Variants in WDFY4 observed in about 807,000 individuals in gnomAD.
WDFY4 encodes the protein WDFY family member 4, also known as WD repeat- and FYVE domain-containing protein 4.
A neutral mutation model predicts 351.9 loss-of-function variants in WDFY4; 169 were observed. The ratio of observed to expected loss-of-function variants is 0.48; its 90% CI spans 0.42 to 0.55. The LOEUF (loss-of-function observed/expected upper bound fraction) is 0.55, where lower values mean the gene tolerates loss of function less well. Ranked by LOEUF, WDFY4 falls within the 20% of genes least tolerant of loss-of-function variation. The pLI is 0.00. For missense variants in WDFY4, 3,803 were observed against 3,935.6 expected, an observed-to-expected ratio of 0.97 and a Z score of 0.90; for synonymous variants, 1,622 against 1,574.6, an observed-to-expected ratio of 1.03 and a Z score of -0.71.
rs1433161043 is a variant in WDFY4 at position 48,743,296 on chromosome 10, A to C, written c.2207A>C (p.Asp736Ala). ...GGCAACCTGCTGCGCTCTTGGGTGGACACAAAGGCCAGGCCATTTGCAGAT... is the reference window on the plus strand; with the variant it reads ...GGCAACCTGCTGCGCTCTTGGGTGGCCACAAAGGCCAGGCCATTTGCAGAT... ...EEGNLLRSWVDTKARPFADLL... is the reference protein window; with the variant it reads ...EEGNLLRSWVATKARPFADLL... The change falls in exon 12 of 62, where the codon GAC (aspartate) becomes GCC (alanine). Residue 736 changes from aspartate (D) to alanine (A), a missense_variant. Physicochemically the swap from Asp to Ala is moderately radical, Grantham distance 126. This residue lies in a region of WDFY4 where 3,054 missense variants were observed against 3,148.6 expected (regional missense o/e 0.97). Coordinates refer to ENST00000325239, the MANE Select transcript of WDFY4 (RefSeq NM_001394531.1). 1.9e-6 allele frequency: 3 copies of C among 1,551,696 alleles called. No homozygotes were observed.
chr10:48,800,726 C>CTTTCT (rs2067053669), intron 24 of WDFY4, among the ~76,000 whole-genome samples: 1 of 92,386 alleles, frequency 1.1e-5, no homozygotes, highest in Non-Finnish European at 2.1e-5. Context: ...TTCTTTCATT[C>CTTTCT]TTTCTTTTTT....
chr10:48,858,178 A>C (rs188564999), intron 39 of WDFY4, among the ~76,000 whole-genome samples: 78 of 152,238 alleles, frequency 5.1e-4, no homozygotes, highest in Non-Finnish European at 7.5e-4. Context: ...TTTCTCTCAG[A>C]GTGTAGATTG....
At chr10:48,756,572 G>A (rs2065344206) in intron 12 of WDFY4, among the ~76,000 whole-genome samples, 1 of 151,964 alleles carries the variant, frequency 6.6e-6, no homozygotes, top group Admixed American at 6.6e-5. Flanking sequence ...TTCAGTCTTT[G>A]CCATTGAATA....
rs1240126749 is a variant in WDFY4 at position 48,805,306 on chromosome 10, C to G, written c.4531C>G (p.Pro1511Ala). ...AEAAHQAQLI[P>A]KLIFLFNEPS... ...AGCTGCCCACCAGGCACAGCTTATA[C>G]CCAAGCTCATCTTCCTATTCAATGA... Residue 1511 changes from proline to alanine, a missense_variant, in exon 26 of 62, where the codon CCC becomes GCC. Transcript: ENST00000325239. 1.3e-6 allele frequency: 2 copies of G among 1,547,672 alleles called. No individual in the cohort carries two copies. The highest frequency in any genetic ancestry group is 1.2e-5 in the South Asian group (1 of 84,064).
At chr10:48,872,189 C>A (rs1167616442) in intron 40 of WDFY4, among the ~76,000 whole-genome samples, 1 of 152,236 alleles carries the variant, frequency 6.6e-6, no homozygotes, top group Non-Finnish European at 1.5e-5. Flanking sequence ...ACAATTTACT[C>A]ATTTAAAATG....
At chr10:48,736,316 A>G in intron 11 of WDFY4, 1 of 609,412 alleles carries the variant, frequency 1.6e-6, no homozygotes, top group Non-Finnish European at 2.9e-6. Context: ...AGGAACTACC[A>G]TCACCTGGGC....
intron 40 of WDFY4, among the ~76,000 whole-genome samples, chr10:48,869,271 C>T (rs1321420986): frequency 2.6e-5 from 4 of 152,166 alleles, no homozygotes. Flanking sequence ...TCTGCCACGT[C>T]CTTTGAGACA....
chr10:48,874,998 T>G (rs1407628111), intron 41 of WDFY4, 91 bp from the exon 42 acceptor site: 2 of 682,416 alleles, frequency 2.9e-6, no homozygotes, highest in Non-Finnish European at 4.5e-6. Flanking sequence ...CACATGCATG[T>G]GCGTGTTTGT....
intron 1 of WDFY4, among the ~76,000 whole-genome samples, chr10:48,707,465 AG>A (rs1275578886): frequency 6.6e-6 from 1 of 152,218 alleles, no homozygotes; most frequent in Non-Finnish European, 1.5e-5. Flanking sequence ...GGACCCACGC[AG>A]CAATGTCCAC....
At chr10:48,728,496 C>A (rs2064344516) in intron 7 of WDFY4, among the ~76,000 whole-genome samples, 1 of 152,210 alleles carries the variant, frequency 6.6e-6, no homozygotes, top group Admixed American at 6.5e-5. Context: ...GAATGAGACA[C>A]CCTCCTCCTC....
intron 2 of WDFY4, among the ~76,000 whole-genome samples, chr10:48,716,132 G>T (rs552836625): frequency 2.6e-5 from 4 of 152,086 alleles, no homozygotes; most frequent in South Asian, 4.2e-4. Context: ...AGAGGAGAGG[G>T]TCTACTGCAT....
chr10:48,937,774 C>T (rs1256341089), intron 47 of WDFY4, among the ~76,000 whole-genome samples: 16 of 152,194 alleles, frequency 1.1e-4, no homozygotes, highest in Non-Finnish European at 2.4e-4. Flanking sequence ...TGAAAGGGTA[C>T]GTCTGTCTCT....
intron 23 of WDFY4, among the ~76,000 whole-genome samples, chr10:48,795,135 A>G (rs978115716): frequency 1.3e-5 from 2 of 152,132 alleles, no homozygotes; most frequent in Non-Finnish European, 2.9e-5. Flanking sequence ...GAGACCAGGT[A>G]GATCGGAGAC....
chr10:48,774,871 C>T (rs1457732234), intron 14 of WDFY4, among the ~76,000 whole-genome samples, 199 bp downstream of exon 14: 2 of 152,160 alleles, frequency 1.3e-5, no homozygotes, highest in Non-Finnish European at 2.9e-5. Flanking sequence ...GCAGACATAG[C>T]CCCCTCTAAT....
intron 19 of WDFY4, among the ~76,000 whole-genome samples, chr10:48,785,539 A>T (rs57839743): frequency 0.058 from 8,785 of 152,214 alleles, 592 homozygotes; most frequent in East Asian, 0.34. Context: ...GTTTAAGTTC[A>T]TTTCTTTGCC....
At position 48,731,449 on chromosome 10, in the gene WDFY4, T is replaced by C. The variant is rs1171661296; in HGVS notation, c.1469T>C (p.Ile490Thr). ...PSCTLMALQS[I>T]LSIAGGDPLF... is the part of the protein sequence containing the mutation. ...TGCACCCTCATGGCCCTGCAGAGCA[T>C]CCTCAGCATCGCTGGTGGGGACCCC... Residue 490 changes from isoleucine to threonine, a missense_variant, in exon 9 of 62, where the codon ATC (isoleucine) becomes ACC (threonine). This residue lies in a region of WDFY4 where 261 missense variants were observed against 330.2 expected (regional missense o/e 0.79). Coordinates refer to ENST00000325239, the MANE Select transcript of WDFY4 (RefSeq NM_001394531.1). The C allele has an allele frequency of 6.4e-7, 1 of 1,551,710 alleles. No homozygotes were observed. The highest frequency in any genetic ancestry group is 8.7e-7 in the Non-Finnish European group (1 of 1,146,998).
At chr10:48,892,838 C>A (rs776620546) in intron 44 of WDFY4, among the ~76,000 whole-genome samples, 2 of 152,204 alleles carry the variant, frequency 1.3e-5, no homozygotes, top group African/African-American at 2.4e-5. Flanking sequence ...GGAATTTGCA[C>A]TTTGCACTTT....
intron 39 of WDFY4, among the ~76,000 whole-genome samples, chr10:48,845,158 G>A (rs2068734128): frequency 6.6e-6 from 1 of 152,226 alleles, no homozygotes; most frequent in African/African-American, 2.4e-5. Context: ...TGGCTCAGAG[G>A]AGGTGGCAGG....
rs139029794 is a variant in WDFY4, at chr10:48,940,994, A to G, written c.7587-812A>G. Among the ~76,000 whole-genome samples the G allele has an allele frequency of 4.6e-5, 7 of 152,334 alleles. No individual in the cohort carries two copies. In the East Asian group the frequency reaches 1.4e-3, roughly 29 times the overall value. On this transcript the variant is annotated intron_variant, in intron 47 of 61. Coordinates refer to ENST00000325239, the MANE Select transcript of WDFY4 (RefSeq NM_001394531.1). ...GAACCATTTGGCCATAGGTAGCAAA[A>G]TGGTAAATACTCATACTTTTTAACC...
Sources: allele counts gnomAD v4.1 joint callset (sites outside exome capture counted in the v4.1 genomes callset), GRCh38; gene constraint gnomAD v4.1.1; regional missense constraint gnomAD v4.1.1; transcripts MANE v1.5; gene names NCBI Gene and HGNC (gene_info 2026-07-23, HGNC 2026-07-21).